AKT3: variants seen among roughly 807,000 people sequenced by gnomAD.
The protein encoded by AKT3 is RAC-gamma serine/threonine-protein kinase.
A neutral mutation model predicts 65.3 loss-of-function variants in AKT3; 15 were observed. That is an observed-to-expected ratio of 0.23 (90% CI 0.15 to 0.35). The LOEUF is 0.35. Ranked by LOEUF, AKT3 falls within the 10% of genes least tolerant of loss-of-function variation. AKT3 has a pLI of 1.00. For synonymous variants in AKT3, 206 were observed against 183.8 expected, an observed-to-expected ratio of 1.12 and a Z score of -0.98; for missense variants, 243 against 576.5, an observed-to-expected ratio of 0.42 and a Z score of 5.92.
intron 12 of AKT3, among the ~76,000 whole-genome samples, chr1:243,531,159 C>CCTG (rs2148413038): frequency 6.6e-6 from 1 of 152,286 alleles, no homozygotes; most frequent in African/African-American, 2.4e-5. Context: ...AGTGTGATCA[C>CCTG]AGCTCATTGC....
intron 4 of AKT3, among the ~76,000 whole-genome samples, chr1:243,663,896 G>C (rs887943166): frequency 1.3e-5 from 2 of 152,148 alleles, no homozygotes; most frequent in African/African-American, 4.8e-5. Context: ...AAAACTGATA[G>C]ATCAGGAGGA....
chr1:243,497,436 A>G (rs1404893356), downstream of AKT3, among the ~76,000 whole-genome samples: 1 of 151,816 alleles, frequency 6.6e-6, no homozygotes, highest in Non-Finnish European at 1.5e-5. Context: ...TACAAAGCCC[A>G]TAGAGATGGC....
At chr1:243,769,809 A>G (rs894760955) in intron 2 of AKT3, among the ~76,000 whole-genome samples, 3 of 152,154 alleles carry the variant, frequency 2.0e-5, no homozygotes, top group Admixed American at 6.5e-5. Flanking sequence ...TTGACATACA[A>G]GTTTTTTATT....
intron 3 of AKT3, chr1:243,687,362 AAAG>A (rs2147998340): frequency 1.3e-5 from 2 of 152,324 alleles, no homozygotes; most frequent in South Asian, 4.1e-4. Flanking sequence ...GGAAGCTACT[AAAG>A]AAGAGGAAGC....
intron 2 of AKT3, among the ~76,000 whole-genome samples, chr1:243,744,566 C>T (rs556739280): frequency 1.3e-5 from 2 of 151,730 alleles, no homozygotes; most frequent in East Asian, 1.9e-4. Context: ...GGTGAAACCC[C>T]GTCTCTACTA....
intron 4 of AKT3, among the ~76,000 whole-genome samples, chr1:243,656,568 G>T (rs924189972): frequency 9.2e-5 from 14 of 152,158 alleles, no homozygotes; most frequent in Non-Finnish European, 2.9e-5. Context: ...AAAATGAATT[G>T]GTACTTACCA....
intron 8 of AKT3, among the ~76,000 whole-genome samples, chr1:243,605,977 C>T (rs1677377990): frequency 6.6e-6 from 1 of 152,122 alleles, no homozygotes; most frequent in Admixed American, 6.5e-5. Context: ...GGGGCTTTTC[C>T]TCCTTTGCTT....
chr1:243,646,511 T>C (rs369977041), intron 4 of AKT3, among the ~76,000 whole-genome samples: 22 of 151,960 alleles, frequency 1.4e-4, no homozygotes, highest in African/African-American at 5.1e-4. Context: ...TGTGACACAA[T>C]GCCTGACTAA....
chr1:243,735,710 G>C (rs1460397551), intron 2 of AKT3: 1 of 152,028 alleles, frequency 6.6e-6, no homozygotes, highest in African/African-American at 2.4e-5. Flanking sequence ...CTTTTTATTA[G>C]ATAGCTGCAA....
intron 9 of AKT3, among the ~76,000 whole-genome samples, chr1:243,564,554 G>A (rs933386867): frequency 2.6e-5 from 4 of 152,020 alleles, no homozygotes; most frequent in African/African-American, 4.8e-5. Context: ...TGCCTCAAGC[G>A]GAAAATTATG....
intron 2 of AKT3, among the ~76,000 whole-genome samples, chr1:243,781,964 A>C (rs1022445787): frequency 3.3e-5 from 5 of 152,142 alleles, no homozygotes; most frequent in African/African-American, 1.2e-4. Flanking sequence ...CTGGGACTAC[A>C]AGTGCACACC....
At chr1:243,758,040 G>A (rs948656345) in intron 2 of AKT3, among the ~76,000 whole-genome samples, 1 of 152,242 alleles carries the variant, frequency 6.6e-6, no homozygotes, top group East Asian at 1.9e-4. Context: ...TGGGATCACG[G>A]GCATGAGCCA....
Position 243,505,182 on chromosome 1 carries a change from G to A in AKT3, c.*67C>T. The stretch of plus-strand genomic sequence containing the variant: ...CTGCTATGTGTAAGAGCTAGGACTG[G>A]TGATGTCCAGGAATCATTTTCAGTA... On this transcript the variant is annotated 3_prime_UTR_variant, in exon 14 of 14. Coordinates refer to ENST00000673466, the MANE Select transcript of AKT3 (RefSeq NM_005465.7). 1 of 1,453,446 alleles carries A rather than the reference G, an allele frequency of 6.9e-7. No homozygotes were observed. The allele number at this position is 1,453,446 out of a possible 1,614,324, so 90.0% of individuals were successfully genotyped here.
chr1:243,554,171 A>T (rs1673256076), intron 10 of AKT3, among the ~76,000 whole-genome samples: 1 of 152,186 alleles, frequency 6.6e-6, no homozygotes, highest in African/African-American at 2.4e-5. Context: ...ATACTATGAA[A>T]GGCACTTTGG....
intron 7 of AKT3, among the ~76,000 whole-genome samples, chr1:243,614,283 A>G (rs953132325): frequency 2.6e-5 from 4 of 152,178 alleles, no homozygotes; most frequent in African/African-American, 9.6e-5. Context: ...CAATAAACAC[A>G]CCAAAAAAGG....
intron 2 of AKT3, among the ~76,000 whole-genome samples, chr1:243,758,804 G>A (rs1689304548): frequency 6.6e-6 from 1 of 152,156 alleles, no homozygotes; most frequent in Admixed American, 6.5e-5. Context: ...AGCTTAGGTG[G>A]TAATGCTCGC....
intron 8 of AKT3, among the ~76,000 whole-genome samples, chr1:243,589,297 A>T (rs1676035894): frequency 7.4e-6 from 1 of 135,368 alleles, no homozygotes; most frequent in Non-Finnish European, 1.5e-5. Flanking sequence ...CACGAGCAAA[A>T]CTCCATCTCA....
intron 2 of AKT3, among the ~76,000 whole-genome samples, chr1:243,750,001 T>C (rs1399443996): frequency 6.6e-6 from 1 of 152,184 alleles, no homozygotes; most frequent in African/African-American, 2.4e-5. Context: ...CCAATCTCCC[T>C]CATAACTCCT....
rs750247763 is a variant in AKT3 at position 243,503,659 on chromosome 1, T to C, written c.*1590A>G. ...ATACATGCCCCCTTTCAGTGAGAAA[T>C]GTTGGAATCTGGGGGACATGAGTAT... On this transcript the variant is annotated 3_prime_UTR_variant, in exon 14 of 14. Coordinates refer to ENST00000673466, the MANE Select transcript of AKT3 (RefSeq NM_005465.7). The C allele has an allele frequency of 5.6e-5, 13 of 232,436 alleles. No homozygotes were observed. Among genetic ancestry groups the C allele is most frequent in the Non-Finnish European group, 1.1e-4 (13 of 117,372 alleles). 14.4% of individuals were successfully genotyped at this position (232,436 alleles called of 1,614,324 possible). A position where few individuals can be genotyped will look rare whatever the true frequency, so the allele number is the denominator to read the frequency against.
Sources: gnomAD v4.1 joint callset for allele counts (sites outside exome capture counted in the v4.1 genomes callset) on GRCh38, gnomAD v4.1.1 for gene constraint, MANE v1.5 for transcripts, NCBI Gene and HGNC (gene_info 2026-07-23, HGNC 2026-07-21) for gene names.